The following DOCK3 variants were observed in gnomAD, a reference collection of about 807,000 sequenced individuals.
DOCK3 encodes the protein dedicator of cytokinesis protein 3.
A neutral mutation model predicts 265.6 loss-of-function variants in DOCK3; 60 were observed. The ratio of observed to expected loss-of-function variants is 0.23; its 90% confidence interval spans 0.18 to 0.28. The LOEUF (loss-of-function observed/expected upper bound fraction) is 0.28. Ranked by LOEUF, DOCK3 falls within the 10% of genes least tolerant of loss-of-function variation. The pLI is 1.00. For missense variants in DOCK3, 1,981 were observed against 2,594.3 expected, an observed-to-expected ratio of 0.76 and a Z score of 5.14; for synonymous variants, 881 against 938.0, an observed-to-expected ratio of 0.94 and a Z score of 1.11.
intron 36 of DOCK3, 120 bp from the exon 37 acceptor site, chr3:51,338,815 C>A: frequency 1.3e-6 from 1 of 794,362 alleles, no homozygotes; most frequent in Non-Finnish European, 2.1e-6. Flanking sequence ...CTGGTGCTGT[C>A]TGCCTCCAGG....
intron 52 of DOCK3, 75 bp from the exon 53 acceptor site, chr3:51,380,975 C>G (rs1404177212): frequency 2.0e-6 from 3 of 1,498,772 alleles, no homozygotes; most frequent in South Asian, 2.6e-5. Flanking sequence ...TAAGCAGGCT[C>G]TTGGTCTTCC....
chr3:50,937,724 A>G (rs528032692), intron 5 of DOCK3, among the ~76,000 whole-genome samples: 2 of 152,318 alleles, frequency 1.3e-5, no homozygotes, highest in South Asian at 2.1e-4. Flanking sequence ...GTATATTGCA[A>G]TCTCTAGAGC....
intron 38 of DOCK3, among the ~76,000 whole-genome samples, chr3:51,345,628 AAAC>A (rs927498634): frequency 1.3e-5 from 2 of 152,074 alleles, no homozygotes; most frequent in African/African-American, 4.8e-5. Context: ...TTTCCAAAAA[AAAC>A]AAACAAACAA....
intron 5 of DOCK3, among the ~76,000 whole-genome samples, chr3:51,046,424 A>G (rs561550249): frequency 1.3e-4 from 20 of 152,344 alleles, no homozygotes; most frequent in African/African-American, 4.3e-4. Flanking sequence ...TAACCTAAAG[A>G]GAGCAAAGGT....
intron 5 of DOCK3, among the ~76,000 whole-genome samples, chr3:51,028,892 A>T (rs1198730355): frequency 6.6e-6 from 1 of 152,030 alleles, no homozygotes; most frequent in Non-Finnish European, 1.5e-5. Flanking sequence ...TGTATTCTTA[A>T]TTCTATATTG....
intron 27 of DOCK3, among the ~76,000 whole-genome samples, chr3:51,287,271 A>C (rs1316031578): frequency 6.6e-6 from 1 of 152,204 alleles, no homozygotes; most frequent in Non-Finnish European, 1.5e-5. Context: ...ATCTGAGACC[A>C]CTCAGAATAG....
chr3:51,362,791 CA>C (rs2086833625), intron 49 of DOCK3, 117 bp downstream of exon 49: 1 of 1,411,322 alleles, frequency 7.1e-7, no homozygotes, highest in Non-Finnish European at 9.5e-7. Flanking sequence ...AGAGAATACT[CA>C]TTTGTGCTTT....
rs113213052 is a variant in DOCK3 at position 51,117,595 on chromosome 3, C to T, written c.746+27211C>T. On this transcript the variant is annotated intron_variant, in intron 9 of 52. Transcript: ENST00000266037. ...ATCGGCTGTGAATCCATCTGATCCT[C>T]GGGTTTTTTTGGTTGGTAGGCTGTT... Among the ~76,000 whole-genome samples the T allele has an allele frequency of 8.2e-3, 1,250 of 151,638 alleles. 9 individuals carry two copies. The highest frequency in any genetic ancestry group is 0.013 in the African/African-American group (551 of 41,456).
chr3:50,824,131 T>A (rs2675832), intron 2 of DOCK3, among the ~76,000 whole-genome samples: 14,357 of 152,144 alleles, frequency 0.094, 838 homozygotes, highest in Non-Finnish European at 0.12. Context: ...CATTTACAAA[T>A]TCTGTTGGGT....
intron 12 of DOCK3, among the ~76,000 whole-genome samples, chr3:51,195,152 G>A (rs796115774): frequency 2.0e-5 from 3 of 151,916 alleles, no homozygotes; most frequent in Admixed American, 6.6e-5. Context: ...GCAAATAGTC[G>A]GATTGTGGGT....
intron 1 of DOCK3, among the ~76,000 whole-genome samples, chr3:50,747,725 A>G (rs1024035921): frequency 1.3e-5 from 2 of 152,086 alleles, no homozygotes; most frequent in South Asian, 2.1e-4. Context: ...TTAGCTGGGC[A>G]TGGTGGCGCA....
chr3:51,005,863 C>A (rs1195807559), intron 5 of DOCK3, among the ~76,000 whole-genome samples: 1 of 152,114 alleles, frequency 6.6e-6, no homozygotes, highest in Non-Finnish European at 1.5e-5. Context: ...AGATGTCATT[C>A]TTTTGCCTAA....
chr3:51,182,528 C>T (rs548046539), intron 12 of DOCK3, among the ~76,000 whole-genome samples: 1 of 152,338 alleles, frequency 6.6e-6, no homozygotes, highest in East Asian at 1.9e-4. Context: ...AGCCACTGGT[C>T]TTTCTTTGCC....
intron 25 of DOCK3, among the ~76,000 whole-genome samples, 197 bp from the exon 26 acceptor site, chr3:51,277,411 G>A (rs1281181245): frequency 1.3e-5 from 2 of 152,204 alleles, no homozygotes; most frequent in African/African-American, 4.8e-5. Flanking sequence ...CCATGCCTGG[G>A]CAGCAGTGGC....
At chr3:51,247,451 G>A (rs1270318137) in intron 22 of DOCK3, among the ~76,000 whole-genome samples, 2 of 152,136 alleles carry the variant, frequency 1.3e-5, no homozygotes, top group Non-Finnish European at 2.9e-5. Context: ...CATGACTACT[G>A]TTCTGCTGTT....
chr3:50,780,791 T>C (rs1287646699), intron 2 of DOCK3, among the ~76,000 whole-genome samples: 1 of 152,146 alleles, frequency 6.6e-6, no homozygotes, highest in Non-Finnish European at 1.5e-5. Flanking sequence ...TTTTATCTAG[T>C]TGTAATTTTG....
At chr3:51,098,900 T>C (rs1213816386) in intron 9 of DOCK3, among the ~76,000 whole-genome samples, 1 of 152,220 alleles carries the variant, frequency 6.6e-6, no homozygotes, top group Non-Finnish European at 1.5e-5. Context: ...TTAAATTCCC[T>C]AAAAATTACG....
At chr3:51,340,771 T>G (rs540819356) in intron 37 of DOCK3, among the ~76,000 whole-genome samples, 3 of 152,126 alleles carry the variant, frequency 2.0e-5, no homozygotes, top group Non-Finnish European at 2.9e-5. Flanking sequence ...ACACATAGAG[T>G]AAGATGTTGC....
At chr3:51,028,798 G>A (rs2079922901) in intron 5 of DOCK3, among the ~76,000 whole-genome samples, 1 of 151,906 alleles carries the variant, frequency 6.6e-6, no homozygotes, top group South Asian at 2.1e-4. Flanking sequence ...TAGCTATGTT[G>A]TCTTTCATAT....
Sources: allele counts gnomAD v4.1 joint callset (sites outside exome capture counted in the v4.1 genomes callset), GRCh38; gene constraint gnomAD v4.1.1; transcripts MANE v1.5; gene names NCBI Gene and HGNC (gene_info 2026-07-23, HGNC 2026-07-21).